CALU: variants seen among roughly 807,000 people sequenced by gnomAD.
The protein encoded by CALU is calumenin, also known as IEF SSP 9302.
A neutral mutation model predicts 37.5 loss-of-function variants in CALU; 13 were observed. The observed-to-expected ratio is 0.35, with a 90% CI of 0.23 to 0.55. The LOEUF (loss-of-function observed/expected upper bound fraction) is 0.55. Ranked by LOEUF, CALU falls within the 20% of genes least tolerant of loss-of-function variation. The probability of loss-of-function intolerance (pLI) is 0.89; values close to 1 mark genes in which losing one functional copy is unlikely to be tolerated. For synonymous variants in CALU, 114 were observed against 133.8 expected (o/e 0.85, Z 1.02); for missense variants, 282 against 391.7 (o/e 0.72, Z 2.36).
At chr7:128,757,191 A>G (rs999458666) in intron 3 of CALU, among the ~76,000 whole-genome samples, 6 of 152,072 alleles carry the variant, frequency 3.9e-5, no homozygotes, top group Non-Finnish European at 8.8e-5. Context: ...TACCCCAAGG[A>G]GGGGAGGAGA....
intron 5 of CALU, among the ~76,000 whole-genome samples, chr7:128,765,094 C>A (rs2128882742): frequency 6.6e-6 from 1 of 152,166 alleles, no homozygotes; most frequent in South Asian, 2.1e-4. Flanking sequence ...TATTATTATT[C>A]TTATAGACAT....
At chr7:128,763,711 C>T (rs999307241) in intron 5 of CALU, among the ~76,000 whole-genome samples, 4 of 152,096 alleles carry the variant, frequency 2.6e-5, no homozygotes, top group Non-Finnish European at 5.9e-5. Flanking sequence ...GTGAGTAAGT[C>T]TTCTTGGCTT....
Position 128,751,946 on chromosome 7 carries a change from C to T in CALU, c.222-2316C>T, listed in dbSNP as rs556532648. Among the ~76,000 whole-genome samples the T allele has an allele frequency of 4.6e-5, 7 of 152,258 alleles. No individual in the cohort carries two copies. The East Asian group carries it at 1.2e-3, about 25-fold the overall frequency. ...CCTAGAATAAAGGCTTATTTAGTGG[C>T]GTCCATAGGGTTCTCCCCTGTCACA... On this transcript the variant is annotated intron_variant, in intron 2 of 6. Transcript: ENST00000249364.
chr7:128,762,728 G>A (rs113520408), intron 5 of CALU, among the ~76,000 whole-genome samples: 28,283 of 151,886 alleles, frequency 0.19, 3,387 homozygotes, highest in Non-Finnish European at 0.27. Flanking sequence ...GTGCAGTGGC[G>A]TGATCTCCAC....
chr7:128,745,762 C>CATAATT (rs1800408344), intron 1 of CALU, among the ~76,000 whole-genome samples: 1 of 152,136 alleles, frequency 6.6e-6, no homozygotes, highest in Non-Finnish European at 1.5e-5. Flanking sequence ...GGAGGGTCAG[C>CATAATT]CAGAGTGTTG....
chr7:128,764,986 A>G (rs560418745), intron 5 of CALU, among the ~76,000 whole-genome samples: 3 of 152,272 alleles, frequency 2.0e-5, no homozygotes, highest in South Asian at 4.1e-4. Context: ...CAGTGGCACA[A>G]TCACAGCAGC....
At chr7:128,759,083 T>C in intron 4 of CALU, 46 bp downstream of exon 4, 1 of 1,502,170 alleles carries the variant, frequency 6.7e-7, no homozygotes, top group East Asian at 2.3e-5. Context: ...TTTCTCTTTT[T>C]GTGGCTTATT....
intron 1 of CALU, among the ~76,000 whole-genome samples, chr7:128,746,083 C>G (rs1024029755): frequency 7.3e-5 from 11 of 151,066 alleles, no homozygotes; most frequent in African/African-American, 2.7e-4. Flanking sequence ...TTGTTTTGAA[C>G]CTTGCTTTTT....
At chr7:128,755,414 T>C (rs894405194) in intron 3 of CALU, among the ~76,000 whole-genome samples, 2 of 151,914 alleles carry the variant, frequency 1.3e-5, no homozygotes, top group African/African-American at 4.8e-5. Flanking sequence ...AGTAAAGTGT[T>C]GGACCTAAAA....
chr7:128,765,944 A>G (rs1455235937), intron 5 of CALU, among the ~76,000 whole-genome samples: 5 of 152,240 alleles, frequency 3.3e-5, no homozygotes, highest in Middle Eastern at 6.8e-3. Context: ...CATGTAATCT[A>G]TCATCAAAAA....
At chr7:128,746,923 C>G (rs1800468932) in intron 1 of CALU, among the ~76,000 whole-genome samples, 1 of 152,074 alleles carries the variant, frequency 6.6e-6, no homozygotes, top group Non-Finnish European at 1.5e-5. Flanking sequence ...CACCCACCAC[C>G]ACGCCCGGCT....
At chr7:128,740,983 C>G (rs1361642626) in intron 1 of CALU, among the ~76,000 whole-genome samples, 3 of 152,198 alleles carry the variant, frequency 2.0e-5, no homozygotes, top group Admixed American at 2.0e-4. Flanking sequence ...GTCCTCCTGC[C>G]TCAGCCTCCC....
At chr7:128,746,680 G>A (rs1466119794) in intron 1 of CALU, among the ~76,000 whole-genome samples, 1 of 151,920 alleles carries the variant, frequency 6.6e-6, no homozygotes, top group Non-Finnish European at 1.5e-5. Context: ...TTAAACTCCC[G>A]GATGCAAGTG....
At chr7:128,744,063 G>A (rs993500767) in intron 1 of CALU, among the ~76,000 whole-genome samples, 5 of 151,966 alleles carry the variant, frequency 3.3e-5, no homozygotes, top group Admixed American at 6.6e-5. Context: ...AAAATTATTC[G>A]GGCGTGGTAG....
At chr7:128,749,560 G>T (rs978033493) in intron 2 of CALU, among the ~76,000 whole-genome samples, 1 of 152,114 alleles carries the variant, frequency 6.6e-6, no homozygotes, top group African/African-American at 2.4e-5. Flanking sequence ...AGCACTGTTG[G>T]TGCAACTTCC....
intron 1 of CALU, among the ~76,000 whole-genome samples, chr7:128,743,501 G>A (rs79829700): frequency 0.18 from 27,913 of 151,722 alleles, 3,311 homozygotes; most frequent in Non-Finnish European, 0.27. Context: ...TTGGACAAAA[G>A]TATCCAATTT....
At chr7:128,740,230 C>T (rs1436414743) in intron 1 of CALU, among the ~76,000 whole-genome samples, 1 of 152,214 alleles carries the variant, frequency 6.6e-6, no homozygotes, top group East Asian at 1.9e-4. Context: ...AAGGCCCAAG[C>T]TCCGTGGGTC....
chr7:128,759,136 T>G, intron 4 of CALU, 99 bp downstream of exon 4: 1 of 807,154 alleles, frequency 1.2e-6, no homozygotes, highest in Non-Finnish European at 2.0e-6. Context: ...CTTATATATA[T>G]ATATGCTATA....
Position 128,767,444 on chromosome 7 carries a change from C to CTGT in CALU, c.644-11_644-9dup, listed in dbSNP as rs750283244. 1 of 1,600,276 alleles carries CTGT rather than the reference C, an allele frequency of 6.2e-7. No individual in the cohort carries two copies. The highest frequency in any genetic ancestry group is 1.3e-5 in the African/African-American group (1 of 74,784). On this transcript the variant is annotated splice_polypyrimidine_tract_variant and intron_variant, in intron 5 of 6. Coordinates refer to ENST00000249364, the MANE Select transcript of CALU (RefSeq NM_001219.5). The stretch of plus-strand genomic sequence containing the variant: ...ACAAACCCTTCTTTTGTATGTATGT[C>CTGT]TGTGTACCCAGGTGACATGTACAGC...
Sources: allele counts gnomAD v4.1 joint callset (sites outside exome capture counted in the v4.1 genomes callset), GRCh38; gene constraint gnomAD v4.1.1; transcripts MANE v1.5; gene names NCBI Gene and HGNC (gene_info 2026-07-23, HGNC 2026-07-21).